The following DDAH1 variants were observed in gnomAD, a reference collection of about 807,000 sequenced individuals.
DDAH1 encodes dimethylarginine dimethylaminohydrolase 1.
DDAH1 carries 19 observed loss-of-function variants against 28.8 expected under a neutral mutation model. The observed-to-expected ratio is 0.66, with a 90% CI of 0.46 to 0.97. The LOEUF (loss-of-function observed/expected upper bound fraction) is 0.97, where lower values mean the gene tolerates loss of function less well. DDAH1 is among the 50% of genes least tolerant of loss of function. DDAH1 has a pLI of 0.00. For missense variants in DDAH1, 326 were observed against 375.9 expected, an observed-to-expected ratio of 0.87 and a Z score of 1.10; for synonymous variants, 153 against 154.4, an observed-to-expected ratio of 0.99 and a Z score of 0.07.
chr1:85,357,707 G>A (rs1649562697), intron 2 of DDAH1, among the ~76,000 whole-genome samples: 1 of 152,142 alleles, frequency 6.6e-6, no homozygotes, highest in Non-Finnish European at 1.5e-5. Context: ...TGTATTCTCT[G>A]ACATGTCTGG....
At chr1:85,368,834 G>A (rs925261622) in intron 1 of DDAH1, among the ~76,000 whole-genome samples, 1 of 152,090 alleles carries the variant, frequency 6.6e-6, no homozygotes, top group Non-Finnish European at 1.5e-5. Context: ...AATAGTACTC[G>A]AAGTGTTCAT....
At chr1:85,501,990 C>G (rs1212260856) in intron 1 of DDAH1, among the ~76,000 whole-genome samples, 2 of 152,140 alleles carry the variant, frequency 1.3e-5, no homozygotes, top group Non-Finnish European at 2.9e-5. Flanking sequence ...AACCATGCTT[C>G]CCATGCCTAA....
intron 1 of DDAH1, among the ~76,000 whole-genome samples, chr1:85,369,454 T>A (rs747110426): frequency 6.6e-6 from 1 of 152,168 alleles, no homozygotes; most frequent in Non-Finnish European, 1.5e-5. Flanking sequence ...ATACAACCTC[T>A]GTGACCTCTT....
At chr1:85,415,143 T>C (rs918159784) in intron 1 of DDAH1, among the ~76,000 whole-genome samples, 18 of 150,864 alleles carry the variant, frequency 1.2e-4, no homozygotes, top group African/African-American at 4.1e-4. Context: ...GCCTCCTGAG[T>C]AGCTGGGATT....
At chr1:85,437,700 G>A (rs761099281) in intron 1 of DDAH1, among the ~76,000 whole-genome samples, 1 of 152,164 alleles carries the variant, frequency 6.6e-6, no homozygotes, top group Non-Finnish European at 1.5e-5. Flanking sequence ...AAAGTTATAT[G>A]CAGTTTTTTT....
chr1:85,407,724 G>T (rs1652472163), intron 1 of DDAH1, among the ~76,000 whole-genome samples: 1 of 152,044 alleles, frequency 6.6e-6, no homozygotes, highest in African/African-American at 2.4e-5. Flanking sequence ...TGACCCAAGG[G>T]TTATGAAACA....
chr1:85,575,661 G>A (rs1471538571), intron 1 of DDAH1, among the ~76,000 whole-genome samples: 1 of 152,170 alleles, frequency 6.6e-6, no homozygotes, highest in Non-Finnish European at 1.5e-5. Context: ...GGTAAGCTGT[G>A]ATAGAGTTAA....
intron 2 of DDAH1, among the ~76,000 whole-genome samples, chr1:85,483,809 C>G (rs1222105643): frequency 6.6e-6 from 1 of 152,142 alleles, no homozygotes; most frequent in Non-Finnish European, 1.5e-5. Context: ...CTTCTGTTAT[C>G]TAGTCTCAAC....
chr1:85,511,774 A>G (rs1260206398), intron 1 of DDAH1, among the ~76,000 whole-genome samples: 6 of 152,226 alleles, frequency 3.9e-5, no homozygotes, highest in South Asian at 2.1e-4. Flanking sequence ...TCCTGGACAC[A>G]TACACTCTCC....
At chr1:85,509,322 T>G (rs370449162) in intron 1 of DDAH1, among the ~76,000 whole-genome samples, 8 of 152,164 alleles carry the variant, frequency 5.3e-5, no homozygotes, top group East Asian at 1.9e-4. Flanking sequence ...GTCATCTACA[T>G]GAAAACCCCA....
At chr1:85,469,221 C>G (rs1250438199), upstream of DDAH1, among the ~76,000 whole-genome samples, 1 of 152,166 alleles carries the variant, frequency 6.6e-6, no homozygotes, top group Non-Finnish European at 1.5e-5. Context: ...AAACAGCTAG[C>G]TGGTGTCTGC....
chr1:85,461,885 C>G (rs1269469390), intron 1 of DDAH1, among the ~76,000 whole-genome samples: 1 of 152,150 alleles, frequency 6.6e-6, no homozygotes, highest in East Asian at 1.9e-4. Context: ...AAAGTGATGT[C>G]TAAGTGGGAC....
At chr1:85,457,477 G>A (rs1654940643) in intron 1 of DDAH1, among the ~76,000 whole-genome samples, 1 of 152,128 alleles carries the variant, frequency 6.6e-6, no homozygotes, top group South Asian at 2.1e-4. Flanking sequence ...AGGGGCAGTG[G>A]AAGTGTCTAA....
At chr1:85,451,068 A>T (rs1235584073) in intron 1 of DDAH1, among the ~76,000 whole-genome samples, 1 of 152,172 alleles carries the variant, frequency 6.6e-6, no homozygotes, top group Non-Finnish European at 1.5e-5. Context: ...GCGCTGGGTG[A>T]CTGGCCCGGC....
In DDAH1 at chr1:85,464,358, A is replaced by T; in HGVS notation, c.303+385T>A. On this transcript the variant is annotated intron_variant, in intron 1 of 5. Coordinates refer to ENST00000284031, the MANE Select transcript of DDAH1 (RefSeq NM_012137.4). The surrounding 1 kb of genome is among the most constrained non-coding windows in gnomAD (Gnocchi z 4.4). ...GGCGCTGCCCCCTGGAGGGACGCCC[A>T]GCCTCCACCCGCCCTACCGGAGCGG... is the stretch of plus-strand genomic sequence containing the variant. 1 of 692,494 alleles carries T rather than the reference A, an allele frequency of 1.4e-6. No individual in the cohort carries two copies. The highest frequency in any genetic ancestry group is 2.2e-6 in the Non-Finnish European group (1 of 455,000). 42.9% of individuals were successfully genotyped at this position (692,494 alleles called of 1,614,324 possible).
rs953667350 is a variant in DDAH1, at chr1:85,464,569, G to T, written c.303+174C>A. On this transcript the variant is annotated intron_variant, in intron 1 of 5. Coordinates refer to ENST00000284031, the MANE Select transcript of DDAH1 (RefSeq NM_012137.4). The surrounding 1 kb of genome is among the most constrained non-coding windows in gnomAD (Gnocchi z 4.4). The stretch of plus-strand genomic sequence containing the variant: ...CCGGCAGCCGGGAGGTGTGAACAAT[G>T]AACTTCTCTCTGACTCTCTGACACA... 16 of 1,526,026 alleles carry T rather than the reference G, an allele frequency of 1.0e-5. No homozygotes were observed. In the East Asian group the frequency reaches 2.0e-4, roughly 19 times the overall value. 94.5% of individuals were successfully genotyped at this position (1,526,026 alleles called of 1,614,324 possible). A position where few individuals can be genotyped will look rare whatever the true frequency, so the allele number is the denominator to read the frequency against.
chr1:85,536,212 G>A (rs571052466), intron 1 of DDAH1, among the ~76,000 whole-genome samples: 2 of 151,790 alleles, frequency 1.3e-5, no homozygotes, highest in Non-Finnish European at 2.9e-5. Context: ...ACTTCAGACT[G>A]GGTGACAAAG....
At chr1:85,545,618 T>C (rs1230282414) in intron 1 of DDAH1, among the ~76,000 whole-genome samples, 2 of 152,146 alleles carry the variant, frequency 1.3e-5, no homozygotes, top group Non-Finnish European at 2.9e-5. Flanking sequence ...GGCAAATATA[T>C]ATCCAAAATG....
intron 1 of DDAH1, among the ~76,000 whole-genome samples, chr1:85,564,290 A>G (rs1026214715): frequency 1.3e-5 from 2 of 152,242 alleles, no homozygotes; most frequent in Non-Finnish European, 2.9e-5. Flanking sequence ...AACTTGAGAT[A>G]TAGCATTAGA....
Sources: gnomAD v4.1 joint callset for allele counts (sites outside exome capture counted in the v4.1 genomes callset) on GRCh38, gnomAD v4.1.1 for gene constraint, Gnocchi (gnomAD v3.1) non-coding constraint, MANE v1.5 for transcripts, NCBI Gene and HGNC (gene_info 2026-07-23, HGNC 2026-07-21) for gene names.